Variants in RPS6KC1 observed in about 807,000 individuals in gnomAD.
The protein encoded by RPS6KC1 is ribosomal protein S6 kinase C1, also known as inactive ribosomal protein S6 kinase delta-1.
A neutral mutation model predicts 103.8 loss-of-function variants in RPS6KC1; 54 were observed. The ratio of observed to expected loss-of-function variants is 0.52; its 90% CI spans 0.42 to 0.65. The LOEUF (loss-of-function observed/expected upper bound fraction) is 0.65, where lower values mean the gene tolerates loss of function less well. RPS6KC1 is among the 30% of genes least tolerant of loss of function. RPS6KC1 has a pLI of 0.00. For synonymous variants in RPS6KC1, 439 were observed against 438.7 expected (o/e 1.00, Z -0.01); for missense variants, 1,151 against 1,253.8 (o/e 0.92, Z 1.24).
At chr1:213,660,955 A>C in the RPS6KC1 span, among the ~76,000 whole-genome samples, 3 of 152,326 alleles carry the variant, frequency 2.0e-5, no homozygotes, top group African/African-American at 7.2e-5. Flanking sequence ...AGACAAGCCC[A>C]GGTAGTGAGG....
chr1:213,148,227 A>C (rs2088121961), intron 6 of RPS6KC1, among the ~76,000 whole-genome samples: 1 of 152,166 alleles, frequency 6.6e-6, no homozygotes, highest in Non-Finnish European at 1.5e-5. Context: ...GTTGAATAAC[A>C]GTGGTAAAAG....
chr1:213,324,831 A>G, the RPS6KC1 span, among the ~76,000 whole-genome samples: 1 of 151,622 alleles, frequency 6.6e-6, no homozygotes, highest in East Asian at 1.9e-4. Context: ...TAGGTGAATT[A>G]TGGATTTGCC....
chr1:213,212,914 T>A (rs1430337748), intron 8 of RPS6KC1, among the ~76,000 whole-genome samples: 2 of 152,228 alleles, frequency 1.3e-5, no homozygotes, highest in African/African-American at 2.4e-5. Context: ...GCCCATTTTT[T>A]AATCAGGTTT....
At chr1:213,096,789 G>A (rs1331154666) in intron 3 of RPS6KC1, among the ~76,000 whole-genome samples, 1 of 152,096 alleles carries the variant, frequency 6.6e-6, no homozygotes, top group African/African-American at 2.4e-5. Context: ...GGAATCACTT[G>A]TATGTCATCT....
chr1:213,132,055 A>G (rs1379747896), intron 6 of RPS6KC1, among the ~76,000 whole-genome samples: 3 of 152,220 alleles, frequency 2.0e-5, no homozygotes, highest in Admixed American at 6.5e-5. Flanking sequence ...CTGTGCTTCA[A>G]AATGAGAATT....
the RPS6KC1 span, among the ~76,000 whole-genome samples, chr1:213,830,660 T>C: frequency 1.3e-3 from 188 of 147,762 alleles, 1 homozygote; most frequent in East Asian, 0.011. Context: ...AAAGGTCCAA[T>C]GTCACATTCT....
the RPS6KC1 span, among the ~76,000 whole-genome samples, chr1:213,346,998 A>C: frequency 6.6e-6 from 1 of 152,168 alleles, no homozygotes; most frequent in Non-Finnish European, 1.5e-5. Context: ...CCAGAAAACA[A>C]AGGAATAATA....
chr1:213,527,452 C>T, the RPS6KC1 span, among the ~76,000 whole-genome samples: 14 of 152,312 alleles, frequency 9.2e-5, no homozygotes, highest in African/African-American at 2.6e-4. Context: ...CCCAGACCTA[C>T]TGTCTTTCCA....
the RPS6KC1 span, among the ~76,000 whole-genome samples, chr1:213,731,872 AC>A: frequency 6.6e-6 from 1 of 152,170 alleles, no homozygotes; most frequent in Non-Finnish European, 1.5e-5. Flanking sequence ...GAATATATAT[AC>A]TTATTTTACA....
the RPS6KC1 span, among the ~76,000 whole-genome samples, chr1:213,661,308 T>C: frequency 7.9e-5 from 12 of 152,088 alleles, no homozygotes; most frequent in African/African-American, 2.7e-4. Context: ...GGATCTCAGG[T>C]AGAGAGAAGG....
the RPS6KC1 span, among the ~76,000 whole-genome samples, chr1:213,471,994 G>C: frequency 6.6e-6 from 1 of 152,192 alleles, no homozygotes. Flanking sequence ...ACTCAACAGG[G>C]TGTCATTTCC....
chr1:213,341,117 G>A, the RPS6KC1 span, among the ~76,000 whole-genome samples: 8 of 152,168 alleles, frequency 5.3e-5, no homozygotes, highest in African/African-American at 1.7e-4. Flanking sequence ...CTGTGTAACC[G>A]GCCATAGTTT....
intron 6 of RPS6KC1, among the ~76,000 whole-genome samples, chr1:213,145,074 T>TA (rs201224161): frequency 4.6e-5 from 7 of 151,300 alleles, no homozygotes; most frequent in Middle Eastern, 3.4e-3. Context: ...GACTCCCATC[T>TA]AAAAAAAAAG....
the RPS6KC1 span, among the ~76,000 whole-genome samples, chr1:213,812,270 G>A: frequency 2.7e-4 from 41 of 152,184 alleles, no homozygotes; most frequent in Non-Finnish European, 4.6e-4. Flanking sequence ...GGCTTCATAC[G>A]TTCAAGATTC....
the RPS6KC1 span, among the ~76,000 whole-genome samples, chr1:213,597,820 A>G: frequency 6.6e-6 from 1 of 152,218 alleles, no homozygotes; most frequent in Non-Finnish European, 1.5e-5. Context: ...CTCATAGAAC[A>G]ATGTAGTAAA....
chr1:213,736,586 G>T, the RPS6KC1 span, among the ~76,000 whole-genome samples: 2 of 152,180 alleles, frequency 1.3e-5, no homozygotes, highest in Admixed American at 1.3e-4. Context: ...TTAGAAGGAA[G>T]CCACAGGTCC....
intron 3 of RPS6KC1, among the ~76,000 whole-genome samples, chr1:213,087,454 C>T (rs2080510463): frequency 6.6e-6 from 1 of 152,292 alleles, no homozygotes; most frequent in East Asian, 1.9e-4. Flanking sequence ...CCAGTTATCC[C>T]TTTATTGCTT....
At chr1:213,746,458 G>A in the RPS6KC1 span, among the ~76,000 whole-genome samples, 2 of 152,174 alleles carry the variant, frequency 1.3e-5, no homozygotes, top group Admixed American at 6.5e-5. Context: ...GTGGGTGGCC[G>A]AGGGTGAGTC....
chr1:213,855,921 T>G, the RPS6KC1 span, among the ~76,000 whole-genome samples: 2 of 152,202 alleles, frequency 1.3e-5, no homozygotes. Flanking sequence ...ATACAGGCAG[T>G]ACCATGGGAG....
Sources: allele counts gnomAD v4.1 joint callset (sites outside exome capture counted in the v4.1 genomes callset), GRCh38; gene constraint gnomAD v4.1.1; transcripts MANE v1.5; gene names NCBI Gene and HGNC (gene_info 2026-07-23, HGNC 2026-07-21).